NEK1: variants seen among roughly 807,000 people sequenced by gnomAD.
NEK1 encodes serine/threonine-protein kinase Nek1.
A neutral mutation model predicts 182.1 loss-of-function variants in NEK1; 137 were observed. That is an observed-to-expected ratio of 0.75 (90% CI 0.65 to 0.87). The LOEUF is 0.87. Among genes scored for constraint, NEK1 ranks in the 40% least tolerant of loss-of-function variants. The probability of loss-of-function intolerance (pLI) is 0.00; values close to 1 mark genes in which losing one functional copy is unlikely to be tolerated. For missense variants in NEK1, 1,391 were observed against 1,494.4 expected, an observed-to-expected ratio of 0.93 and a Z score of 1.14; for synonymous variants, 513 against 492.2, an observed-to-expected ratio of 1.04 and a Z score of -0.56.
intron 19 of NEK1, among the ~76,000 whole-genome samples, chr4:169,515,666 C>A (rs1315713220): frequency 2.0e-5 from 2 of 100,480 alleles, no homozygotes; most frequent in Admixed American, 1.1e-4. Flanking sequence ...CCCGACCCCA[C>A]CACAGTCCCC....
chr4:169,570,521 C>A (rs1293612900), intron 12 of NEK1, among the ~76,000 whole-genome samples: 1 of 150,724 alleles, frequency 6.6e-6, no homozygotes, highest in East Asian at 2.0e-4. Flanking sequence ...GTCAGCCCCC[C>A]GCCCGGCCAG....
rs1029225992 is a variant in NEK1 at position 169,610,033 on chromosome 4, T to G, written c.-49+1987A>C. 2.6e-5 allele frequency among the ~76,000 whole-genome samples: 4 copies of G among 151,590 alleles called. No homozygotes were observed. The South Asian group carries it at 6.3e-4, about 24-fold the overall frequency. On this transcript the variant is annotated intron_variant, in intron 2 of 35. Transcript: ENST00000507142. ...AAGAATTTCTTTTTTTTTTTTTTTT[T>G]CTGAGACAGAGTCTTGCTCTGTTGC... is the stretch of plus-strand genomic sequence containing the variant.
At chr4:169,416,204 T>G (rs1734518831) in intron 31 of NEK1, among the ~76,000 whole-genome samples, 1 of 152,232 alleles carries the variant, frequency 6.6e-6, no homozygotes, top group African/African-American at 2.4e-5. Flanking sequence ...TTCATGACAG[T>G]TAATTTTGCT....
chr4:169,597,851 G>A (rs943748848), intron 5 of NEK1, among the ~76,000 whole-genome samples: 18 of 152,042 alleles, frequency 1.2e-4, no homozygotes, highest in Non-Finnish European at 2.5e-4. Flanking sequence ...GGAGAATGGC[G>A]TGAACCCGGA....
intron 27 of NEK1, among the ~76,000 whole-genome samples, chr4:169,450,427 G>A (rs955966039): frequency 6.6e-6 from 1 of 152,204 alleles, no homozygotes; most frequent in African/African-American, 2.4e-5. Context: ...GGCAGCCAGA[G>A]AGAAAGGTCG....
rs770656765 is a variant in NEK1 at position 169,599,221 on chromosome 4, C to A, written c.215-24G>T. 5.2e-6 allele frequency: 8 copies of A among 1,526,710 alleles called. No individual in the cohort carries two copies. In the South Asian group the frequency reaches 9.4e-5, roughly 18 times the overall value. 94.6% of individuals were successfully genotyped at this position (1,526,710 alleles called of 1,614,324 possible). The stretch of plus-strand genomic sequence containing the variant: ...TTCTACAAAATATAAACATTACAGT[C>A]CACTTTTAAAAACGTACATCAAAAG... On this transcript the variant is annotated intron_variant, in intron 4 of 35. Coordinates refer to ENST00000507142, the MANE Select transcript of NEK1 (RefSeq NM_001199397.3).
intron 18 of NEK1, among the ~76,000 whole-genome samples, chr4:169,540,189 T>C (rs963781363): frequency 2.0e-5 from 3 of 152,146 alleles, no homozygotes; most frequent in African/African-American, 7.2e-5. Flanking sequence ...TTTTTTCCTA[T>C]AATTTATTAA....
intron 27 of NEK1, among the ~76,000 whole-genome samples, chr4:169,452,099 T>C (rs941946833): frequency 6.6e-6 from 1 of 151,008 alleles, no homozygotes; most frequent in African/African-American, 2.4e-5. Context: ...AACAATATAC[T>C]CTCCCAAGAC....
chr4:169,542,010 G>C (rs1220087105), intron 18 of NEK1, among the ~76,000 whole-genome samples: 1 of 152,004 alleles, frequency 6.6e-6, no homozygotes, highest in Non-Finnish European at 1.5e-5. Flanking sequence ...CTTTAATGAT[G>C]GCTAAATTCC....
At chr4:169,475,883 G>C (rs1746858378) in intron 26 of NEK1, among the ~76,000 whole-genome samples, 1 of 152,096 alleles carries the variant, frequency 6.6e-6, no homozygotes, top group East Asian at 1.9e-4. Flanking sequence ...TAAAGATAGA[G>C]CAATAGAAAC....
intron 23 of NEK1, among the ~76,000 whole-genome samples, chr4:169,493,956 T>C (rs1483155689): frequency 2.6e-5 from 4 of 152,130 alleles, no homozygotes; most frequent in Admixed American, 1.3e-4. Flanking sequence ...AGTGAGATAC[T>C]ATATAAGATG....
intron 26 of NEK1, among the ~76,000 whole-genome samples, chr4:169,467,673 T>C (rs114987728): frequency 0.014 from 2,196 of 152,238 alleles, 54 homozygotes; most frequent in African/African-American, 0.05. Context: ...TGTAATCCCA[T>C]TGTAAATTGA....
At chr4:169,419,818 G>A (rs138946939) in intron 31 of NEK1, among the ~76,000 whole-genome samples, 1 of 152,132 alleles carries the variant, frequency 6.6e-6, no homozygotes, top group African/African-American at 2.4e-5. Flanking sequence ...CAATATTATA[G>A]AAGATTGTAA....
chr4:169,449,339 G>C (rs760616793), intron 27 of NEK1, among the ~76,000 whole-genome samples: 24 of 152,232 alleles, frequency 1.6e-4, no homozygotes, highest in Admixed American at 1.2e-3. Context: ...TCTGAGAAAA[G>C]ATAGACTGCC....
intron 4 of NEK1, 48 bp downstream of exon 4, chr4:169,601,960 T>G (rs1403234708): frequency 8.2e-6 from 11 of 1,335,716 alleles, no homozygotes; most frequent in Non-Finnish European, 1.2e-5. Context: ...ACAAAAAGAT[T>G]TATTAATGTC....
intron 26 of NEK1, among the ~76,000 whole-genome samples, chr4:169,467,909 A>C (rs1395478302): frequency 6.6e-6 from 1 of 151,914 alleles, no homozygotes; most frequent in Non-Finnish European, 1.5e-5. Flanking sequence ...GTTAAAAGTT[A>C]TTTTAAAGGA....
intron 16 of NEK1, among the ~76,000 whole-genome samples, chr4:169,561,195 G>C (rs543894070): frequency 2.0e-5 from 3 of 152,216 alleles, no homozygotes; most frequent in East Asian, 3.9e-4. Flanking sequence ...GCAGTGTCAT[G>C]AATTGTACAT....
intron 12 of NEK1, among the ~76,000 whole-genome samples, chr4:169,570,130 G>A (rs1401024751): frequency 1.4e-5 from 2 of 147,872 alleles, no homozygotes; most frequent in Admixed American, 6.7e-5. Context: ...TGTGGGGAGC[G>A]CCTCTGCCCC....
intron 19 of NEK1, among the ~76,000 whole-genome samples, chr4:169,515,188 TA>T (rs1754952658): frequency 6.6e-6 from 1 of 152,216 alleles, no homozygotes; most frequent in South Asian, 2.1e-4. Context: ...TCTATATTTG[TA>T]AAGGTTTTAT....
Sources: allele counts gnomAD v4.1 joint callset (sites outside exome capture counted in the v4.1 genomes callset), GRCh38; gene constraint gnomAD v4.1.1; transcripts MANE v1.5; gene names NCBI Gene and HGNC (gene_info 2026-07-23, HGNC 2026-07-21).